Variants in HS6ST3 observed in about 807,000 individuals in gnomAD.
The protein encoded by HS6ST3 is heparan sulfate 6-O-sulfotransferase 3.
Under a neutral mutation model 36.7 loss-of-function variants are expected in HS6ST3, and 12 were observed. The ratio of observed to expected loss-of-function variants is 0.33; its 90% confidence interval spans 0.21 to 0.53. The LOEUF (loss-of-function observed/expected upper bound fraction) is 0.53, where lower values mean the gene tolerates loss of function less well. Ranked by LOEUF, HS6ST3 falls within the 20% of genes least tolerant of loss-of-function variation. The pLI is 0.95. For synonymous variants in HS6ST3, 240 were observed against 257.5 expected, an observed-to-expected ratio of 0.93 and a Z score of 0.65; for missense variants, 584 against 640.9, an observed-to-expected ratio of 0.91 and a Z score of 0.96.
chr13:96,640,479 G>A, intron 1 of HS6ST3, among the ~76,000 whole-genome samples: 1 of 151,986 alleles, frequency 6.6e-6, no homozygotes, highest in East Asian at 1.9e-4. Flanking sequence ...TCTGTCAGAT[G>A]CAGAGCTTGT....
chr13:96,401,146 T>C (rs1299733667), intron 1 of HS6ST3, among the ~76,000 whole-genome samples: 2 of 152,194 alleles, frequency 1.3e-5, no homozygotes, highest in African/African-American at 2.4e-5. Flanking sequence ...CTTCCTTCTA[T>C]TGGGAGTCTT....
At chr13:96,278,339 G>A (rs1458224901) in intron 1 of HS6ST3, among the ~76,000 whole-genome samples, 1 of 152,096 alleles carries the variant, frequency 6.6e-6, no homozygotes, top group Admixed American at 6.6e-5. Flanking sequence ...TTTTCATCAG[G>A]GAAGAAAGGC....
intron 1 of HS6ST3, among the ~76,000 whole-genome samples, chr13:96,721,619 C>T (rs1875848145): frequency 6.6e-6 from 1 of 152,008 alleles, no homozygotes; most frequent in Non-Finnish European, 1.5e-5. Flanking sequence ...ATAGATATTA[C>T]CTTATTTGAT....
At chr13:96,365,010 A>G (rs1334598381) in intron 1 of HS6ST3, among the ~76,000 whole-genome samples, 2 of 152,150 alleles carry the variant, frequency 1.3e-5, no homozygotes, top group Admixed American at 6.5e-5. Context: ...CAAAGTGTCT[A>G]TTTGTTTTAT....
chr13:96,105,139 T>C (rs2053835818), intron 1 of HS6ST3, among the ~76,000 whole-genome samples: 1 of 151,262 alleles, frequency 6.6e-6, no homozygotes, highest in Non-Finnish European at 1.5e-5. Flanking sequence ...CAAAGTCAGA[T>C]TGAGACTAGA....
At chr13:96,676,280 G>C (rs909974064) in intron 1 of HS6ST3, among the ~76,000 whole-genome samples, 2 of 152,010 alleles carry the variant, frequency 1.3e-5, no homozygotes, top group African/African-American at 4.8e-5. Context: ...TCTTCTCTCT[G>C]TGAGTCTAGA....
At chr13:96,363,264 G>A (rs1397173426) in intron 1 of HS6ST3, among the ~76,000 whole-genome samples, 3 of 150,970 alleles carry the variant, frequency 2.0e-5, no homozygotes, top group Non-Finnish European at 2.9e-5. Flanking sequence ...GGGAGTGGGT[G>A]AAGGGTTTAT....
chr13:96,326,208 G>A (rs1327906894), intron 1 of HS6ST3, among the ~76,000 whole-genome samples: 1 of 149,672 alleles, frequency 6.7e-6, no homozygotes, highest in Non-Finnish European at 1.5e-5. Context: ...TTAAGTTTTA[G>A]GGTACATGTG....
At chr13:96,581,476 C>T (rs1328471976) in intron 1 of HS6ST3, among the ~76,000 whole-genome samples, 1 of 152,052 alleles carries the variant, frequency 6.6e-6, no homozygotes, top group Non-Finnish European at 1.5e-5. Flanking sequence ...CCTGCCTCGG[C>T]CTCCCAAAGC....
At chr13:96,571,320 G>T (rs561423955) in intron 1 of HS6ST3, among the ~76,000 whole-genome samples, 1 of 152,088 alleles carries the variant, frequency 6.6e-6, no homozygotes, top group African/African-American at 2.4e-5. Context: ...GTTTTTCGTC[G>T]TATAGAAAGG....
chr13:96,594,851 C>T (rs949441465), intron 1 of HS6ST3, among the ~76,000 whole-genome samples: 4 of 152,058 alleles, frequency 2.6e-5, no homozygotes, highest in African/African-American at 4.8e-5. Flanking sequence ...TTGCATTACT[C>T]ATTATCATTT....
At chr13:96,271,155 G>A (rs1036431761) in intron 1 of HS6ST3, among the ~76,000 whole-genome samples, 50 of 151,894 alleles carry the variant, frequency 3.3e-4, no homozygotes, top group Non-Finnish European at 6.0e-4. Context: ...AATACTCCCA[G>A]CATGGTGATT....
intron 1 of HS6ST3, among the ~76,000 whole-genome samples, chr13:96,519,110 G>A (rs1180725153): frequency 2.6e-5 from 4 of 152,146 alleles, no homozygotes; most frequent in Non-Finnish European, 5.9e-5. Flanking sequence ...TTTACTTGGC[G>A]CAGAGTTCAT....
chr13:96,141,147 G>T (rs767156576), intron 1 of HS6ST3, among the ~76,000 whole-genome samples: 4 of 152,184 alleles, frequency 2.6e-5, no homozygotes, highest in African/African-American at 9.7e-5. Context: ...CTACTGTTCT[G>T]TGCAAATGCA....
At chr13:96,302,322 A>T (rs940358925) in intron 1 of HS6ST3, among the ~76,000 whole-genome samples, 10 of 152,152 alleles carry the variant, frequency 6.6e-5, no homozygotes, top group Non-Finnish European at 1.3e-4. Flanking sequence ...AAATTAAAAA[A>T]TTGTATTAAG....
intron 1 of HS6ST3, among the ~76,000 whole-genome samples, chr13:96,782,108 A>G (rs1024955961): frequency 6.6e-6 from 1 of 152,224 alleles, no homozygotes; most frequent in African/African-American, 2.4e-5. Context: ...TCATGTTTGT[A>G]TCAGCTGCAC....
chr13:96,116,173 C>G (rs752591548), intron 1 of HS6ST3, among the ~76,000 whole-genome samples: 1 of 152,150 alleles, frequency 6.6e-6, no homozygotes, highest in Non-Finnish European at 1.5e-5. Context: ...GGAACTCGGC[C>G]GCAGGAATTA....
intron 1 of HS6ST3, among the ~76,000 whole-genome samples, chr13:96,405,995 G>A (rs1480939210): frequency 6.6e-6 from 1 of 152,204 alleles, no homozygotes; most frequent in African/African-American, 2.4e-5. Context: ...AGACTTTGGA[G>A]AATGCTTTTT....
At chr13:96,260,342 C>T (rs1198322985) in intron 1 of HS6ST3, among the ~76,000 whole-genome samples, 7 of 144,058 alleles carry the variant, frequency 4.9e-5, no homozygotes, top group Middle Eastern at 3.5e-3. Context: ...GACGGAGTCT[C>T]GCTCTGTTGC....
Sources: gnomAD v4.1 joint callset for allele counts (sites outside exome capture counted in the v4.1 genomes callset) on GRCh38, gnomAD v4.1.1 for gene constraint, MANE v1.5 for transcripts, NCBI Gene and HGNC (gene_info 2026-07-23, HGNC 2026-07-21) for gene names.